COL23A1: variants seen among roughly 807,000 people sequenced by gnomAD.
The protein encoded by COL23A1 is collagen alpha-1(XXIII) chain.
A neutral mutation model predicts 99.3 loss-of-function variants in COL23A1; 97 were observed. That is an observed-to-expected ratio of 0.98 (90% CI 0.83 to 1.16). The LOEUF (loss-of-function observed/expected upper bound fraction) is 1.16. Among genes scored for constraint, COL23A1 ranks in the 50% most tolerant of loss-of-function variants. COL23A1 has a pLI of 0.00. For missense variants in COL23A1, 762 were observed against 757.4 expected (o/e 1.01, Z -0.07); for synonymous variants, 320 against 308.2 (o/e 1.04, Z -0.40).
intron 17 of COL23A1, among the ~76,000 whole-genome samples, chr5:178,251,267 C>T (rs540832653): frequency 7.6e-4 from 116 of 152,130 alleles, no homozygotes; most frequent in Middle Eastern, 6.8e-3. Flanking sequence ...GTGATCCACC[C>T]GCCTCCACCT....
At chr5:178,388,183 C>G (rs964232576) in intron 2 of COL23A1, among the ~76,000 whole-genome samples, 4 of 152,188 alleles carry the variant, frequency 2.6e-5, no homozygotes, top group African/African-American at 4.8e-5. Context: ...TCAGAGACTC[C>G]TGAAATGTAA....
intron 3 of COL23A1, among the ~76,000 whole-genome samples, chr5:178,303,275 C>T (rs1436129172): frequency 1.3e-5 from 2 of 152,198 alleles, no homozygotes; most frequent in Non-Finnish European, 2.9e-5. Flanking sequence ...GCTGGGATTA[C>T]ATGTGTGTGC....
chr5:178,246,300 A>G lies in COL23A1; in HGVS notation c.1367T>C (p.Val456Ala), dbSNP rs1282913297. The G allele has an allele frequency of 6.4e-7, 1 of 1,556,212 alleles. No homozygotes were observed. Among genetic ancestry groups the G allele is most frequent in the Non-Finnish European group, 8.7e-7 (1 of 1,149,034 alleles). ...ERGPSGLPGP[V>A]GPPGLIGLPG... ...CAGCCCAATAAGGCCCGGTGGGCCA[A>G]CTGGCCCCTGGATAGAAAAGGAATG... Residue 456 changes from valine to alanine, a missense_variant, in exon 24 of 29, where the codon GTT becomes GCT. Coordinates refer to ENST00000390654, the MANE Select transcript of COL23A1 (RefSeq NM_173465.4).
chr5:178,354,990 G>C (rs2973801), intron 2 of COL23A1, among the ~76,000 whole-genome samples: 2 of 151,502 alleles, frequency 1.3e-5, no homozygotes, highest in East Asian at 1.9e-4. Flanking sequence ...ACCGGGAGGC[G>C]GAGGTTGCAG....
At chr5:178,380,493 T>C (rs1053461291) in intron 2 of COL23A1, among the ~76,000 whole-genome samples, 1 of 152,210 alleles carries the variant, frequency 6.6e-6, no homozygotes, top group African/African-American at 2.4e-5. Context: ...GAAAAGGCAC[T>C]GTCACCACAG....
chr5:178,585,173 G>A (rs1359191627), intron 1 of COL23A1, among the ~76,000 whole-genome samples: 1 of 152,170 alleles, frequency 6.6e-6, no homozygotes, highest in Non-Finnish European at 1.5e-5. Context: ...AAACACCAAA[G>A]CAGAAGGAAG....
intron 2 of COL23A1, among the ~76,000 whole-genome samples, chr5:178,334,417 G>A (rs927564369): frequency 7.9e-5 from 12 of 152,222 alleles, no homozygotes; most frequent in Admixed American, 2.0e-4. Flanking sequence ...GGGGGCCACC[G>A]GGCGGCACCG....
rs191608921 is a variant in COL23A1 at position 178,340,061 on chromosome 5, A to G, written c.362-33142T>C. 2.8e-4 allele frequency among the ~76,000 whole-genome samples: 42 copies of G among 152,204 alleles called. No homozygotes were observed. The highest frequency in any genetic ancestry group is 5.8e-4 in the East Asian group (3 of 5,170). The stretch of plus-strand genomic sequence containing the variant: ...AGAGGGATGAGGGGTCGATGAATGG[A>G]TGGACGGGTTAGGGAGATGAATTCT... On this transcript the variant is annotated intron_variant, in intron 2 of 28. Transcript: ENST00000390654. The surrounding 1 kb of genome is among the most constrained non-coding windows in gnomAD (Gnocchi z 4.7).
At chr5:178,383,683 C>T (rs1224722606) in intron 2 of COL23A1, among the ~76,000 whole-genome samples, 1 of 152,176 alleles carries the variant, frequency 6.6e-6, no homozygotes, top group Admixed American at 6.5e-5. Context: ...GCTGGAGCAT[C>T]GTTCTCCAAG....
intron 16 of COL23A1, among the ~76,000 whole-genome samples, chr5:178,254,144 A>T (rs1765182129): frequency 6.6e-6 from 1 of 152,086 alleles, no homozygotes; most frequent in South Asian, 2.1e-4. Flanking sequence ...GACAAGAGTG[A>T]ATCTCCATCT....
chr5:178,256,361 CT>C lies in COL23A1; in HGVS notation c.873del (p.Arg294GlyfsTer15). 6.2e-7 allele frequency: 1 copy of C among 1,606,526 alleles called. No homozygotes were observed. The highest frequency in any genetic ancestry group is 1.1e-5 in the South Asian group (1 of 90,370). On this transcript the variant is annotated frameshift_variant, in exon 15 of 29. Coordinates refer to ENST00000390654, the MANE Select transcript of COL23A1 (RefSeq NM_173465.4). LOFTEE classifies it high-confidence loss of function. Reference protein sequence around the residue: ...EPGHRGTDGAAGPRGAPGLKG... With the variant: ...EPGHRGTDGAXGPRGAPGLKG... ...GAGGGGCGGCAGCTTACCCGGGGCC[CT>C]GCAGCTCCATCCGTGCCTCGGTGGC...
At chr5:178,373,522 T>C (rs981842858) in intron 2 of COL23A1, among the ~76,000 whole-genome samples, 1 of 152,186 alleles carries the variant, frequency 6.6e-6, no homozygotes, top group Non-Finnish European at 1.5e-5. Flanking sequence ...GTTCAAGTGA[T>C]TCTCCTGCCT....
intron 1 of COL23A1, among the ~76,000 whole-genome samples, chr5:178,566,786 A>G (rs1298304352): frequency 6.6e-6 from 1 of 152,088 alleles, no homozygotes; most frequent in African/African-American, 2.4e-5. Flanking sequence ...ACTGCACTCC[A>G]GCCTGGGCGA....
chr5:178,580,990 A>G (rs931033057), intron 1 of COL23A1, among the ~76,000 whole-genome samples: 1 of 152,230 alleles, frequency 6.6e-6, no homozygotes, highest in African/African-American at 2.4e-5. Flanking sequence ...CCTGGGTGAC[A>G]GAGCGAGACT....
At chr5:178,330,102 CA>C (rs1420236275) in intron 2 of COL23A1, among the ~76,000 whole-genome samples, 1 of 152,156 alleles carries the variant, frequency 6.6e-6, no homozygotes, top group Admixed American at 6.5e-5. Flanking sequence ...GGAGAGTATT[CA>C]GGGGGGAGAG....
chr5:178,255,012 G>A lies in COL23A1; in HGVS notation c.897C>T (p.Leu299=). ...CCACTGTGTCTCCCTGCTCGCCCTT[G>A]AGGCCTGGGGCACCCTGAGGCAGGA... ...GAAGPRGAPG[L]KGEQGDTVVI... is the part of the protein sequence containing the mutation. Residue 299 remains leucine, a synonymous_variant, in exon 16 of 29, where the codon CTC becomes CTT. Transcript: ENST00000390654. This position sits in a 1 kb window ranked among gnomAD's most constrained non-coding sequence, Gnocchi z 4.2. 6.2e-7 allele frequency: 1 copy of A among 1,613,454 alleles called. No individual in the cohort carries two copies. Among genetic ancestry groups the A allele is most frequent in the Non-Finnish European group, 8.5e-7 (1 of 1,179,634 alleles).
intron 2 of COL23A1, among the ~76,000 whole-genome samples, chr5:178,421,101 GT>G (rs1262276638): frequency 1.3e-5 from 2 of 152,078 alleles, no homozygotes; most frequent in African/African-American, 2.4e-5. Context: ...AAATAGGCTG[GT>G]CTGGGGAAAA....
chr5:178,540,585 A>G (rs1345484904), intron 2 of COL23A1, among the ~76,000 whole-genome samples: 3 of 152,210 alleles, frequency 2.0e-5, no homozygotes, highest in Admixed American at 2.0e-4. Context: ...TAAAGATGTC[A>G]CTCTGTCTAA....
chr5:178,571,078 G>A (rs1763071048), intron 1 of COL23A1, among the ~76,000 whole-genome samples: 1 of 152,016 alleles, frequency 6.6e-6, no homozygotes, highest in Non-Finnish European at 1.5e-5. Flanking sequence ...GTACTGAGGA[G>A]AGGCATGGCA....
Sources: allele counts gnomAD v4.1 joint callset (sites outside exome capture counted in the v4.1 genomes callset), GRCh38; gene constraint gnomAD v4.1.1; non-coding constraint Gnocchi (gnomAD v3.1); transcripts MANE v1.5; gene names NCBI Gene and HGNC (gene_info 2026-07-23, HGNC 2026-07-21).